LEKR1: variants seen among roughly 807,000 people sequenced by gnomAD.
The protein encoded by LEKR1 is protein LEKR1.
In LEKR1, 59 loss-of-function variants were observed where a neutral mutation model predicts 72.4. The ratio of observed to expected loss-of-function variants is 0.82; its 90% CI spans 0.66 to 1.01. The LOEUF is 1.01. Ranked by LOEUF, LEKR1 falls within the 50% of genes least tolerant of loss-of-function variation. LEKR1 has a pLI of 0.00. For missense variants in LEKR1, 728 were observed against 759.2 expected, an observed-to-expected ratio of 0.96 and a Z score of 0.48; for synonymous variants, 257 against 263.2, an observed-to-expected ratio of 0.98 and a Z score of 0.23.
At chr3:156,943,139 A>C (rs984555917) in intron 6 of LEKR1, among the ~76,000 whole-genome samples, 3 of 151,984 alleles carry the variant, frequency 2.0e-5, no homozygotes, top group Admixed American at 6.6e-5. Context: ...CAGAGGAATG[A>C]GTGTCTTGAC....
intron 2 of LEKR1, among the ~76,000 whole-genome samples, chr3:156,841,783 T>G (rs1197377958): frequency 6.6e-6 from 1 of 152,210 alleles, no homozygotes; most frequent in Non-Finnish European, 1.5e-5. Flanking sequence ...TGTCTGTAAT[T>G]TCACTTAATT....
intron 3 of LEKR1, among the ~76,000 whole-genome samples, chr3:156,878,931 T>C (rs1206304827): frequency 1.3e-5 from 2 of 152,220 alleles, no homozygotes; most frequent in African/African-American, 4.8e-5. Context: ...ATGTAAGATG[T>C]GCCTTTTGCC....
rs571011784 is a variant in LEKR1 at position 156,828,055 on chromosome 3, T to C, written c.-44-1231T>C. 6.9e-4 allele frequency among the ~76,000 whole-genome samples: 105 copies of C among 152,362 alleles called. 1 individual carries two copies. Among genetic ancestry groups the C allele is most frequent in the Admixed American group, 4.0e-3 (62 of 15,310 alleles). ...ACATCAGATTATGTTTGGGCTTATGTTGACATGGTTAATGGTACCTCCATT... is the reference window on the plus strand; with the variant it reads ...ACATCAGATTATGTTTGGGCTTATGCTGACATGGTTAATGGTACCTCCATT... On this transcript the variant is annotated intron_variant, in intron 1 of 12. Coordinates refer to ENST00000356539, the MANE Select transcript of LEKR1 (RefSeq NM_001004316.3).
chr3:156,948,575 G>C (rs376495757), intron 6 of LEKR1, among the ~76,000 whole-genome samples: 1 of 151,366 alleles, frequency 6.6e-6, no homozygotes, highest in East Asian at 1.9e-4. Context: ...GTCATTGATG[G>C]GCACTTAGGT....
At chr3:156,966,847 C>A (rs567962900) in intron 6 of LEKR1, among the ~76,000 whole-genome samples, 37 of 152,208 alleles carry the variant, frequency 2.4e-4, no homozygotes, top group Non-Finnish European at 4.8e-4. Flanking sequence ...GGGTCCCTGA[C>A]CTCCAAGTAG....
At position 156,997,292 on chromosome 3, in the gene LEKR1, TC is replaced by T. The variant is rs532916701; in HGVS notation, c.1109+4017del. Among the ~76,000 whole-genome samples, 19 of 152,320 alleles carry T rather than the reference TC, an allele frequency of 1.2e-4. 1 individual carries two copies. The South Asian group carries it at 3.9e-3, about 32-fold the overall frequency. ...CTTGACTTTCCTCTTTCCACTTTTT[TC>T]CTTCAGTAAACTGACCCTGTCTCAG... On this transcript the variant is annotated intron_variant, in intron 9 of 12. Coordinates refer to ENST00000356539, the MANE Select transcript of LEKR1 (RefSeq NM_001004316.3).
In LEKR1 at chr3:157,045,345, T is replaced by G. The variant is rs1344957414; in HGVS notation, c.1674T>G (p.Thr558=). The change falls in exon 13 of 13, where the codon ACT becomes ACG. Residue 558 remains threonine (T), a synonymous_variant. Transcript: ENST00000356539. ...TTTCCCCTCTCTCTTTTCAGAATAC[T>G]TTTCTTCAGGAGACAGTGCGTAGAG... The part of the protein sequence containing the change: ...EQFNQSQEEN[T]FLQETVRREC... The G allele has an allele frequency of 6.2e-7, 1 of 1,605,894 alleles. No individual in the cohort carries two copies. Among genetic ancestry groups the G allele is most frequent in the Non-Finnish European group, 8.5e-7 (1 of 1,174,650 alleles).
chr3:156,980,023 A>C (rs887329386), intron 7 of LEKR1: 2 of 152,200 alleles, frequency 1.3e-5, no homozygotes, highest in Non-Finnish European at 2.9e-5. Flanking sequence ...CAAAATGAAT[A>C]AATAAGTAAA....
intron 3 of LEKR1, among the ~76,000 whole-genome samples, chr3:156,915,331 C>G (rs1460427728): frequency 6.6e-6 from 1 of 152,008 alleles, no homozygotes; most frequent in Non-Finnish European, 1.5e-5. Context: ...AATTGCTACA[C>G]TGCTTTACAA....
chr3:156,951,387 G>T (rs1727142900), intron 6 of LEKR1, among the ~76,000 whole-genome samples: 1 of 151,572 alleles, frequency 6.6e-6, no homozygotes, highest in Non-Finnish European at 1.5e-5. Flanking sequence ...AATGAGTTGG[G>T]AAGTTCTTCC....
At chr3:156,990,953 G>A (rs1411090991) in intron 7 of LEKR1, among the ~76,000 whole-genome samples, 1 of 152,028 alleles carries the variant, frequency 6.6e-6, no homozygotes, top group East Asian at 1.9e-4. Context: ...GGCTTCATGG[G>A]AATATACATA....
chr3:156,848,094 C>G (rs142796898), intron 2 of LEKR1, among the ~76,000 whole-genome samples: 188 of 152,252 alleles, frequency 1.2e-3, no homozygotes, highest in African/African-American at 4.3e-3. Context: ...ATGAAAGTGA[C>G]TTACAGTAAG....
chr3:156,955,809 T>A (rs1358437808), intron 6 of LEKR1, among the ~76,000 whole-genome samples: 1 of 151,546 alleles, frequency 6.6e-6, no homozygotes, highest in Non-Finnish European at 1.5e-5. Flanking sequence ...GAAGTTTTCT[T>A]TTTGTTGTTG....
intron 4 of LEKR1, among the ~76,000 whole-genome samples, chr3:156,926,298 A>G (rs998533450): frequency 2.6e-5 from 4 of 152,062 alleles, no homozygotes; most frequent in Non-Finnish European, 5.9e-5. Context: ...ACCTGAAATG[A>G]CAATCTTATG....
chr3:156,908,339 C>G (rs148111492), intron 3 of LEKR1, among the ~76,000 whole-genome samples: 1 of 152,030 alleles, frequency 6.6e-6, no homozygotes, highest in Admixed American at 6.6e-5. Flanking sequence ...TATTATTGTA[C>G]AGTTTTAATG....
intron 7 of LEKR1, among the ~76,000 whole-genome samples, chr3:156,986,465 G>A (rs1178164586): frequency 2.0e-5 from 3 of 152,188 alleles, no homozygotes; most frequent in Non-Finnish European, 4.4e-5. Context: ...CATGGAGATG[G>A]AGAGAAATAT....
chr3:156,934,544 T>C (rs1314874192), intron 5 of LEKR1, among the ~76,000 whole-genome samples: 1 of 152,214 alleles, frequency 6.6e-6, no homozygotes, highest in African/African-American at 2.4e-5. Flanking sequence ...CCAAATTGGA[T>C]TTTAAAATTC....
intron 3 of LEKR1, among the ~76,000 whole-genome samples, chr3:156,920,019 T>TG (rs566825820): frequency 6.8e-4 from 103 of 152,246 alleles, no homozygotes; most frequent in Non-Finnish European, 1.4e-3. Context: ...TCTCATCACG[T>TG]GATCCCTTTG....
At chr3:156,978,901 T>A (rs987438218) in intron 6 of LEKR1, among the ~76,000 whole-genome samples, 1 of 152,202 alleles carries the variant, frequency 6.6e-6, no homozygotes. Context: ...ACATTTCCTT[T>A]GAAAACATTA....
Sources: gnomAD v4.1 joint callset for allele counts (sites outside exome capture counted in the v4.1 genomes callset) on GRCh38, gnomAD v4.1.1 for gene constraint, MANE v1.5 for transcripts, NCBI Gene and HGNC (gene_info 2026-07-23, HGNC 2026-07-21) for gene names.